Variants in SMAD3 observed in about 807,000 individuals in gnomAD.
The protein encoded by SMAD3 is SMAD family member 3, also known as MAD homolog 3.
SMAD3 carries 12 observed loss-of-function variants against 51.8 expected under a neutral mutation model. The observed-to-expected ratio is 0.23, with a 90% CI of 0.15 to 0.38. The LOEUF is 0.38. Ranked by LOEUF, SMAD3 falls within the 10% of genes least tolerant of loss-of-function variation. SMAD3 has a pLI of 1.00. For synonymous variants in SMAD3, 238 were observed against 227.7 expected (o/e 1.05, Z -0.41); for missense variants, 294 against 565.6 (o/e 0.52, Z 4.87).
chr15:67,190,106 G>A (rs1963322196), intron 8 of SMAD3, among the ~76,000 whole-genome samples: 1 of 152,026 alleles, frequency 6.6e-6, no homozygotes, highest in Non-Finnish European at 1.5e-5. Context: ...TACAGTAACT[G>A]GTGGGCCTCT....
intron 1 of SMAD3, among the ~76,000 whole-genome samples, chr15:67,097,838 C>T (rs1306308651): frequency 2.0e-5 from 3 of 152,142 alleles, no homozygotes; most frequent in African/African-American, 7.2e-5. Flanking sequence ...GGTCTAACTT[C>T]CAAGATTCTG....
intron 1 of SMAD3, among the ~76,000 whole-genome samples, chr15:67,149,079 T>TG (rs1473839802): frequency 6.6e-6 from 1 of 151,992 alleles, no homozygotes; most frequent in African/African-American, 2.4e-5. Flanking sequence ...GAGGGGAGGA[T>TG]GGAGAGAGGT....
Position 67,194,581 on chromosome 15 carries a change from CAG to C in SMAD3, c.*4047_*4048del, listed in dbSNP as rs1433919996. 4.3e-6 allele frequency: 1 copy of C among 231,860 alleles called. No homozygotes were observed. The highest frequency in any genetic ancestry group is 2.2e-5 in the African/African-American group (1 of 45,218). The allele number at this position is 231,860 out of a possible 1,614,324, so 14.4% of individuals were successfully genotyped here. ...TAATAATTTCTTAAAACCATTCAGA[CAG>C]ATAACTATTTAATTTTTTTTAAGAA... is the stretch of plus-strand genomic sequence containing the variant. On this transcript the variant is annotated 3_prime_UTR_variant, in exon 9 of 9. Coordinates refer to ENST00000327367, the MANE Select transcript of SMAD3 (RefSeq NM_005902.4).
At chr15:67,109,366 A>G (rs1960950625) in intron 1 of SMAD3, among the ~76,000 whole-genome samples, 1 of 152,120 alleles carries the variant, frequency 6.6e-6, no homozygotes, top group African/African-American at 2.4e-5. Context: ...ACCCTCTGGG[A>G]CTTGTGGCCC....
chr15:67,097,341 A>C (rs1328505506), intron 1 of SMAD3, among the ~76,000 whole-genome samples: 1 of 152,086 alleles, frequency 6.6e-6, no homozygotes. Context: ...CAGCCTCCTG[A>C]GTAGCTTGGG....
At chr15:67,186,103 A>C in intron 7 of SMAD3, among the ~76,000 whole-genome samples, 1 of 152,208 alleles carries the variant, frequency 6.6e-6, no homozygotes, top group East Asian at 1.9e-4. Flanking sequence ...AAGTAAGGAG[A>C]CGCTTTGAGA....
intron 1 of SMAD3, among the ~76,000 whole-genome samples, chr15:67,135,205 G>A (rs538927749): frequency 2.6e-5 from 4 of 152,334 alleles, no homozygotes; most frequent in African/African-American, 7.2e-5. Flanking sequence ...GGGGCAAAAC[G>A]TGGGTTTGTA....
At chr15:67,104,082 T>G (rs1960822646) in intron 1 of SMAD3, among the ~76,000 whole-genome samples, 1 of 152,178 alleles carries the variant, frequency 6.6e-6, no homozygotes, top group African/African-American at 2.4e-5. Flanking sequence ...GGTTTTGTTG[T>G]GGCAGCGCTC....
chr15:67,134,538 G>T (rs952387763), intron 1 of SMAD3, among the ~76,000 whole-genome samples: 2 of 151,034 alleles, frequency 1.3e-5, no homozygotes, highest in African/African-American at 4.9e-5. Context: ...GTTGTCTTAC[G>T]CTCGGGGTGC....
At chr15:67,099,306 A>G (rs1205365492) in intron 1 of SMAD3, among the ~76,000 whole-genome samples, 4 of 152,244 alleles carry the variant, frequency 2.6e-5, no homozygotes, top group African/African-American at 7.2e-5. Context: ...AGACAGCTGC[A>G]TAGTATTTTA....
chr15:67,162,302 TCACTG>T, intron 1 of SMAD3, among the ~76,000 whole-genome samples: 1 of 152,306 alleles, frequency 6.6e-6, no homozygotes, highest in South Asian at 2.1e-4. Flanking sequence ...TGCAAATGTC[TCACTG>T]CCAGCCCTGC....
At chr15:67,174,670 ACAGT>A (rs3217454) in intron 5 of SMAD3, 25,017 of 152,102 alleles carry the variant, frequency 0.16, 3,539 homozygotes, top group African/African-American at 0.37. Flanking sequence ...GTGCTGACTC[ACAGT>A]CAGTGCGTCC....
At chr15:67,110,229 C>A (rs73481497) in intron 1 of SMAD3, among the ~76,000 whole-genome samples, 2 of 152,128 alleles carry the variant, frequency 1.3e-5, no homozygotes, top group South Asian at 4.1e-4. Context: ...TTGGGGGATA[C>A]GACTCAAACT....
intron 5 of SMAD3, among the ~76,000 whole-genome samples, chr15:67,174,827 C>T (rs1962845424): frequency 6.6e-6 from 1 of 152,254 alleles, no homozygotes; most frequent in African/African-American, 2.4e-5. Flanking sequence ...CATCTGGTTT[C>T]TCCTTTCATT....
At position 67,181,344 on chromosome 15, in the gene SMAD3, C is replaced by T; in HGVS notation, c.762C>T (p.Ser254=). ...VGETFHASQP[S]MTVDGFTDPS... ...AGACATTCCACGCCTCGCAGCCATC[C>T]ATGACTGTGGATGGCTTCACCGACC... Residue 254 remains serine (S), a synonymous_variant, in exon 6 of 9, where the codon TCC becomes TCT. Transcript: ENST00000327367. 6.2e-7 allele frequency: 1 copy of T among 1,614,164 alleles called. No individual in the cohort carries two copies. The highest frequency in any genetic ancestry group is 8.5e-7 in the Non-Finnish European group (1 of 1,180,022).
At chr15:67,165,439 C>T (rs1168475534) in intron 3 of SMAD3, 55 bp downstream of exon 3, 6 of 1,601,398 alleles carry the variant, frequency 3.7e-6, no homozygotes, top group East Asian at 2.2e-5. Context: ...CGGTCAGCCC[C>T]GACATCAGTC....
At chr15:67,165,699 C>T (rs557809955) in intron 3 of SMAD3, among the ~76,000 whole-genome samples, 5 of 152,220 alleles carry the variant, frequency 3.3e-5, no homozygotes, top group East Asian at 1.9e-4. Flanking sequence ...CCTTGAGGCC[C>T]GGACTGGTGT....
At chr15:67,126,460 T>C (rs931972366) in intron 1 of SMAD3, among the ~76,000 whole-genome samples, 1 of 152,126 alleles carries the variant, frequency 6.6e-6, no homozygotes, top group African/African-American at 2.4e-5. Context: ...AGTCTGGAAA[T>C]AGGTATTTTA....
intron 1 of SMAD3, chr15:67,138,557 C>T (rs1961731852): frequency 6.5e-6 from 1 of 153,752 alleles, no homozygotes; most frequent in Non-Finnish European, 1.4e-5. Context: ...AAAGGAAAAG[C>T]CCCTGCTCAG....
Sources: allele counts gnomAD v4.1 joint callset (sites outside exome capture counted in the v4.1 genomes callset), GRCh38; gene constraint gnomAD v4.1.1; transcripts MANE v1.5; gene names NCBI Gene and HGNC (gene_info 2026-07-23, HGNC 2026-07-21).